Variants in NEIL2 observed in about 807,000 individuals in gnomAD.
The protein encoded by NEIL2 is nei like DNA glycosylase 2.
NEIL2 carries 23 observed loss-of-function variants against 22.2 expected under a neutral mutation model. That is an observed-to-expected ratio of 1.04 (90% CI 0.75 to 1.47). The LOEUF is 1.47. NEIL2 is among the 40% of genes most tolerant of loss of function. The pLI is 0.00. For synonymous variants in NEIL2, 229 were observed against 164.8 expected, an observed-to-expected ratio of 1.39 and a Z score of -2.99; for missense variants, 583 against 404.7, an observed-to-expected ratio of 1.44 and a Z score of -3.78.
At chr8:11,776,581 A>G (rs917327793) in intron 2 of NEIL2, among the ~76,000 whole-genome samples, 1 of 152,200 alleles carries the variant, frequency 6.6e-6, no homozygotes, top group South Asian at 2.1e-4. Flanking sequence ...TTGCTGGACC[A>G]TATAGTATGT....
chr8:11,771,028 G>A (rs545533374), intron 1 of NEIL2, among the ~76,000 whole-genome samples: 1 of 152,174 alleles, frequency 6.6e-6, no homozygotes, highest in South Asian at 2.1e-4. Context: ...CAGTGGGTCA[G>A]AATGGCTGTT....
intron 2 of NEIL2, among the ~76,000 whole-genome samples, chr8:11,774,035 C>G (rs556532685): frequency 1.2e-4 from 18 of 152,268 alleles, no homozygotes; most frequent in Admixed American, 5.2e-4. Flanking sequence ...AAAGGCACAT[C>G]CTACATGGTG....
intron 2 of NEIL2, among the ~76,000 whole-genome samples, chr8:11,777,803 C>G (rs182683640): frequency 1.2e-4 from 19 of 152,346 alleles, no homozygotes; most frequent in African/African-American, 4.1e-4. Context: ...GCTCACAGTT[C>G]TGGAGCCTGG....
rs1002501964 is a variant in NEIL2, at chr8:11,786,596, G to A, written c.*323G>A. 24 of 390,118 alleles carry A rather than the reference G, an allele frequency of 6.2e-5. No homozygotes were observed. The highest frequency in any genetic ancestry group is 5.1e-4 in the Admixed American group (13 of 25,384). The allele number at this position is 390,118 out of a possible 1,614,324, so 24.2% of individuals were successfully genotyped here. The stretch of plus-strand genomic sequence containing the variant: ...AAAAGAAAGCCTATGGGAAATGGCT[G>A]TGCTCCCAACATAGCTTTGCAGATG... On this transcript the variant is annotated 3_prime_UTR_variant, in exon 5 of 5. Coordinates refer to ENST00000284503, the MANE Select transcript of NEIL2 (RefSeq NM_145043.4).
At chr8:11,780,067 C>G in intron 3 of NEIL2, 117 bp downstream of exon 3, 1 of 855,950 alleles carries the variant, frequency 1.2e-6, no homozygotes, top group Non-Finnish European at 1.9e-6. Flanking sequence ...CCCCCCAGGG[C>G]CCTGCTGTCT....
chr8:11,771,351 A>G, intron 1 of NEIL2, 95 bp from the exon 2 acceptor site: 2 of 1,533,920 alleles, frequency 1.3e-6, no homozygotes, highest in Non-Finnish European at 1.8e-6. Flanking sequence ...AGTTGGCAGC[A>G]AAAATGGCGG....
At chr8:11,783,137 C>G (rs1443825971) in intron 3 of NEIL2, 66 bp from the exon 4 acceptor site, 1 of 1,425,652 alleles carries the variant, frequency 7.0e-7, no homozygotes, top group African/African-American at 1.4e-5. Flanking sequence ...TATGACCCAG[C>G]CACAGGGTGT....
rs555369810 is a variant in NEIL2 at position 11,773,380 on chromosome 8, C to T, written c.138+1795C>T. Reference sequence around the variant, plus strand: ...CTGCCTGGCAGTGCTTTGAAGTGAGCGCCCTTCCCTGCTTCTCCCTGTCGG... The same window carrying T: ...CTGCCTGGCAGTGCTTTGAAGTGAGTGCCCTTCCCTGCTTCTCCCTGTCGG... On this transcript the variant is annotated intron_variant, in intron 2 of 4. Transcript: ENST00000284503. Among the ~76,000 whole-genome samples the T allele has an allele frequency of 1.7e-3, 265 of 152,230 alleles. 1 individual carries two copies. Among genetic ancestry groups the T allele is most frequent in the African/African-American group, 6.1e-3 (252 of 41,546 alleles).
chr8:11,777,975 T>A (rs1485439814), intron 2 of NEIL2, among the ~76,000 whole-genome samples: 1 of 152,214 alleles, frequency 6.6e-6, no homozygotes, highest in Non-Finnish European at 1.5e-5. Context: ...AGGAACACAT[T>A]GAAAGCATTG....
Position 11,771,569 on chromosome 8 carries a change from G to C in NEIL2, c.122G>C (p.Trp41Ser). The change falls in exon 2 of 5, where the codon TGG becomes TCG. Residue 41 changes from tryptophan (W) to serine (S), a missense_variant. Trp to Ser is a radical substitution (Grantham distance 177, BLOSUM62 -3). Coordinates refer to ENST00000284503, the MANE Select transcript of NEIL2 (RefSeq NM_145043.4). ...KLQPASLQSL[W>S]LQDTQVHGKK... ...CAGCCCGCCAGCCTGCAGTCTCTGT[G>C]GCTCCAGGACACCCAGGTGAGGTAA... is the stretch of plus-strand genomic sequence containing the variant. The C allele has an allele frequency of 6.2e-7, 1 of 1,614,004 alleles. No individual in the cohort carries two copies.
Position 11,783,438 on chromosome 8 carries a change from T to G in NEIL2, c.688+39T>G, listed in dbSNP as rs777318141. On this transcript the variant is annotated intron_variant, in intron 4 of 4. Coordinates refer to ENST00000284503, the MANE Select transcript of NEIL2 (RefSeq NM_145043.4). ...GAAAGGGGTGAGTCCACAGAGTTGC[T>G]TCATGGAAAAGTCGGTCCTGTGGGA... 1.9e-6 allele frequency: 3 copies of G among 1,591,130 alleles called. No individual in the cohort carries two copies. The South Asian group carries it at 3.3e-5, about 18-fold the overall frequency.
At chr8:11,785,154 G>A (rs1257309930) in intron 4 of NEIL2, among the ~76,000 whole-genome samples, 1 of 152,022 alleles carries the variant, frequency 6.6e-6, no homozygotes, top group Non-Finnish European at 1.5e-5. Flanking sequence ...TTACAGGCGT[G>A]TGCCACTGTG....
intron 2 of NEIL2, among the ~76,000 whole-genome samples, chr8:11,777,270 G>T (rs1803987691): frequency 6.6e-6 from 1 of 151,982 alleles, no homozygotes; most frequent in Non-Finnish European, 1.5e-5. Flanking sequence ...AGGGATTACA[G>T]GCATGAGCCA....
At chr8:11,777,810 C>T (rs1483765872) in intron 2 of NEIL2, among the ~76,000 whole-genome samples, 3 of 152,234 alleles carry the variant, frequency 2.0e-5, no homozygotes, top group African/African-American at 7.2e-5. Context: ...GTTCTGGAGC[C>T]TGGAAAGTCC....
intron 3 of NEIL2, among the ~76,000 whole-genome samples, chr8:11,781,843 T>G (rs1804450052): frequency 6.6e-6 from 1 of 152,118 alleles, no homozygotes. Flanking sequence ...GAGGATCACT[T>G]GAGCCCAGGA....
intron 2 of NEIL2, among the ~76,000 whole-genome samples, chr8:11,771,856 G>T (rs8191533): frequency 0.011 from 1,675 of 152,296 alleles, 36 homozygotes; most frequent in African/African-American, 0.038. Flanking sequence ...CAGCTGATGG[G>T]CACCTTTGGC....
At chr8:11,783,059 G>A (rs1804574605) in intron 3 of NEIL2, 144 bp from the exon 4 acceptor site, 1 of 745,714 alleles carries the variant, frequency 1.3e-6, no homozygotes, top group African/African-American at 1.7e-5. Context: ...ATGTCTGTAT[G>A]TGTGTATGAT....
chr8:11,776,910 G>T (rs1157016968), intron 2 of NEIL2, among the ~76,000 whole-genome samples: 4 of 152,164 alleles, frequency 2.6e-5, no homozygotes, highest in Admixed American at 6.5e-5. Context: ...AGAGCTCTTT[G>T]GTTCCTATAG....
chr8:11,783,225 G>T lies in NEIL2; in HGVS notation c.514G>T (p.Gly172Cys). ...CAGGTTGGTCCTGCACTTTGGTGGTGGTGGCTTCCTGGCATTTTATAATTG... is the reference window on the plus strand; with the variant it reads ...CAGGTTGGTCCTGCACTTTGGTGGTTGTGGCTTCCTGGCATTTTATAATTG... ...SPRLVLHFGG[G>C]GFLAFYNCQL... The change falls in exon 4 of 5, where the codon GGT becomes TGT. Residue 172 changes from glycine (G) to cysteine (C), a missense_variant. Transcript: ENST00000284503. 6.2e-7 allele frequency: 1 copy of T among 1,614,236 alleles called. No individual in the cohort carries two copies. The highest frequency in any genetic ancestry group is 1.1e-5 in the South Asian group (1 of 91,086).
Sources: gnomAD v4.1 joint callset for allele counts (sites outside exome capture counted in the v4.1 genomes callset) on GRCh38, gnomAD v4.1.1 for gene constraint, MANE v1.5 for transcripts, NCBI Gene and HGNC (gene_info 2026-07-23, HGNC 2026-07-21) for gene names.